NDFIP2: variants seen among roughly 807,000 people sequenced by gnomAD.
NDFIP2 encodes Nedd4 family interacting protein 2.
Under a neutral mutation model 36.0 loss-of-function variants are expected in NDFIP2, and 19 were observed. That is an observed-to-expected ratio of 0.53 (90% CI 0.37 to 0.77). The LOEUF is 0.77. NDFIP2 is among the 30% of genes least tolerant of loss of function. NDFIP2 has a pLI of 0.00. For synonymous variants in NDFIP2, 181 were observed against 167.7 expected (o/e 1.08, Z -0.61); for missense variants, 446 against 435.8 (o/e 1.02, Z -0.21).
intron 3 of NDFIP2, among the ~76,000 whole-genome samples, chr13:79,533,953 T>G (rs1250623616): frequency 6.6e-6 from 1 of 152,200 alleles, no homozygotes; most frequent in Non-Finnish European, 1.5e-5. Flanking sequence ...CACTTTTTGT[T>G]GAAATTGGCA....
chr13:79,484,900 A>T (rs1409692051), intron 1 of NDFIP2, among the ~76,000 whole-genome samples: 1 of 152,194 alleles, frequency 6.6e-6, no homozygotes, highest in Non-Finnish European at 1.5e-5. Flanking sequence ...CCTGACAAAG[A>T]TTATTGTGAG....
At chr13:79,487,557 A>G (rs1478790710) in intron 1 of NDFIP2, among the ~76,000 whole-genome samples, 2 of 152,050 alleles carry the variant, frequency 1.3e-5, no homozygotes, top group Non-Finnish European at 2.9e-5. Flanking sequence ...TTTATTTTCC[A>G]TGGGTGGAAT....
chr13:79,519,256 A>T (rs1185017875), intron 1 of NDFIP2: 6 of 152,250 alleles, frequency 3.9e-5, no homozygotes, highest in Admixed American at 6.5e-5. Context: ...AAATTAAAAT[A>T]TGAAAATTAA....
In NDFIP2 at chr13:79,520,889, A is replaced by G; in HGVS notation, c.401A>G (p.Gln134Arg). The G allele has an allele frequency of 6.2e-7, 1 of 1,613,934 alleles. No individual in the cohort carries two copies. The change falls in exon 2 of 8, where the codon CAG (glutamine) becomes CGG (arginine). Residue 134 changes from glutamine to arginine, a missense_variant. By Grantham distance (43) the Gln-to-Arg change is conservative. This residue lies in a region of NDFIP2 where 369 missense variants were observed against 304.8 expected (regional missense o/e 1.21). Transcript: ENST00000218652. ...PTSNPAPQIVQAASSAPALET... is the reference protein window; with the variant it reads ...PTSNPAPQIVRAASSAPALET... ...TCAAACCCAGCACCGCAGATTGTGC[A>G]GGCTGCGTCTTCAGCACCAGCACTT...
chr13:79,502,633 T>C (rs1004452762), intron 1 of NDFIP2, among the ~76,000 whole-genome samples: 1 of 152,168 alleles, frequency 6.6e-6, no homozygotes, highest in Admixed American at 6.6e-5. Flanking sequence ...GTGTGTTGGA[T>C]ATATTAAATA....
chr13:79,500,702 A>G (rs994067794), intron 1 of NDFIP2, among the ~76,000 whole-genome samples: 8 of 152,026 alleles, frequency 5.3e-5, no homozygotes, highest in African/African-American at 1.9e-4. Context: ...ACTCTCATTC[A>G]TTGTTGGTGG....
intron 1 of NDFIP2, 67 bp from the exon 2 acceptor site, chr13:79,520,743 A>G: frequency 7.0e-7 from 1 of 1,422,366 alleles, no homozygotes; most frequent in Non-Finnish European, 9.4e-7. Context: ...GAAATGATAA[A>G]ATCAGCTTAA....
chr13:79,517,461 C>T (rs1396354364), intron 1 of NDFIP2, among the ~76,000 whole-genome samples: 3 of 151,444 alleles, frequency 2.0e-5, no homozygotes, highest in South Asian at 2.1e-4. Flanking sequence ...TTTTAACCCT[C>T]GTGATGGATT....
intron 1 of NDFIP2, among the ~76,000 whole-genome samples, chr13:79,518,333 A>T (rs1874430503): frequency 6.6e-6 from 1 of 152,338 alleles, no homozygotes; most frequent in Non-Finnish European, 1.5e-5. Flanking sequence ...TAATGTTATG[A>T]TGTTTGTGGA....
At chr13:79,484,744 A>T (rs189217749) in intron 1 of NDFIP2, among the ~76,000 whole-genome samples, 32 of 152,318 alleles carry the variant, frequency 2.1e-4, no homozygotes, top group African/African-American at 7.7e-4. Context: ...AGGAGGCTTG[A>T]AGGAGGCCTG....
chr13:79,512,348 T>G (rs1324304712), intron 1 of NDFIP2, among the ~76,000 whole-genome samples: 1 of 152,226 alleles, frequency 6.6e-6, no homozygotes, highest in African/African-American at 2.4e-5. Flanking sequence ...TGTCTTCTGC[T>G]TTTAAAAAAT....
At chr13:79,532,490 T>C (rs891364426) in intron 2 of NDFIP2, among the ~76,000 whole-genome samples, 8 of 152,170 alleles carry the variant, frequency 5.3e-5, no homozygotes, top group Non-Finnish European at 1.0e-4. Flanking sequence ...ACTTTATTAC[T>C]TATGTTGTAA....
chr13:79,489,192 G>A (rs147826643), intron 1 of NDFIP2, among the ~76,000 whole-genome samples: 84 of 152,298 alleles, frequency 5.5e-4, no homozygotes, highest in African/African-American at 2.0e-3. Flanking sequence ...AGCTAGGACT[G>A]GAGCCATTTT....
chr13:79,526,810 C>G (rs1340435301), intron 2 of NDFIP2, among the ~76,000 whole-genome samples: 1 of 152,178 alleles, frequency 6.6e-6, no homozygotes, highest in Non-Finnish European at 1.5e-5. Context: ...TGCCCTTTCT[C>G]CCAAGTTCTT....
At chr13:79,499,859 C>T (rs966733269) in intron 1 of NDFIP2, among the ~76,000 whole-genome samples, 2 of 151,744 alleles carry the variant, frequency 1.3e-5, no homozygotes, top group Non-Finnish European at 2.9e-5. Flanking sequence ...TGAATATTGA[C>T]GCACAAATTC....
chr13:79,496,619 A>G (rs1018615679), intron 1 of NDFIP2, among the ~76,000 whole-genome samples: 9 of 151,944 alleles, frequency 5.9e-5, no homozygotes, highest in Non-Finnish European at 1.0e-4. Flanking sequence ...TATTTCTTCA[A>G]ATGTTTTTCC....
chr13:79,517,911 T>C (rs1409806413), intron 1 of NDFIP2, among the ~76,000 whole-genome samples: 1 of 152,206 alleles, frequency 6.6e-6, no homozygotes, highest in Non-Finnish European at 1.5e-5. Flanking sequence ...GATTTTTCGT[T>C]TGTAAAGCTC....
At chr13:79,489,266 A>G (rs1330133987) in intron 1 of NDFIP2, among the ~76,000 whole-genome samples, 2 of 152,000 alleles carry the variant, frequency 1.3e-5, no homozygotes, top group Non-Finnish European at 2.9e-5. Flanking sequence ...GATGTTGTCT[A>G]TTTTCTGGAA....
At chr13:79,494,723 G>A (rs1244782841) in intron 1 of NDFIP2, among the ~76,000 whole-genome samples, 1 of 151,892 alleles carries the variant, frequency 6.6e-6, no homozygotes, top group Non-Finnish European at 1.5e-5. Context: ...TTTCATTTTG[G>A]TGGAAGATGT....
Sources: allele counts gnomAD v4.1 joint callset (sites outside exome capture counted in the v4.1 genomes callset), GRCh38; gene constraint gnomAD v4.1.1; regional missense constraint gnomAD v4.1.1; transcripts MANE v1.5; gene names NCBI Gene and HGNC (gene_info 2026-07-23, HGNC 2026-07-21).